CFAP61: variants seen among roughly 807,000 people sequenced by gnomAD.
The protein encoded by CFAP61 is cilia and flagella associated protein 61, also known as cilia- and flagella-associated protein 61.
A neutral mutation model predicts 135.6 loss-of-function variants in CFAP61; 107 were observed. The observed-to-expected ratio is 0.79, with a 90% confidence interval of 0.67 to 0.93. CFAP61 has a LOEUF of 0.93. Among genes scored for constraint, CFAP61 ranks in the 40% least tolerant of loss-of-function variants. The probability of loss-of-function intolerance (pLI) is 0.00; values close to 1 mark genes in which losing one functional copy is unlikely to be tolerated. For synonymous variants in CFAP61, 575 were observed against 578.5 expected, an observed-to-expected ratio of 0.99 and a Z score of 0.09; for missense variants, 1,507 against 1,556.2, an observed-to-expected ratio of 0.97 and a Z score of 0.53.
At chr20:20,329,190 C>T (rs1291633825) in intron 25 of CFAP61, among the ~76,000 whole-genome samples, 1 of 152,064 alleles carries the variant, frequency 6.6e-6, no homozygotes, top group Admixed American at 6.6e-5. Flanking sequence ...TGCCATCAAC[C>T]GTCTTGTCAT....
At position 20,115,219 on chromosome 20, in the gene CFAP61, A is replaced by G. The variant is rs139370925; in HGVS notation, c.859+16405A>G. Among the ~76,000 whole-genome samples the G allele has an allele frequency of 6.1e-3, 935 of 152,168 alleles. 7 individuals are homozygous for G. Among genetic ancestry groups the G allele is most frequent in the Non-Finnish European group, 9.5e-3 (645 of 67,996 alleles). ...CTTGCCAGACTTTGGAAATGAAGTC[A>G]TGCTGGTCTCATAAAACAAGTTGAA... is the stretch of plus-strand genomic sequence containing the variant. On this transcript the variant is annotated intron_variant, in intron 8 of 26. Transcript: ENST00000245957.
intron 17 of CFAP61, chr20:20,225,243 T>G (rs1189804957): frequency 1.3e-5 from 2 of 152,186 alleles, no homozygotes; most frequent in Non-Finnish European, 2.9e-5. Flanking sequence ...TTTCAAGGCA[T>G]TTAAAAACCG....
intron 17 of CFAP61, chr20:20,200,912 G>T: frequency 1.0e-6 from 1 of 985,084 alleles, no homozygotes; most frequent in South Asian, 4.7e-5. Flanking sequence ...GGATGGGGAG[G>T]GCACCTCCAT....
chr20:20,080,394 A>G (rs2046352330), intron 6 of CFAP61, among the ~76,000 whole-genome samples: 1 of 152,186 alleles, frequency 6.6e-6, no homozygotes, highest in Admixed American at 6.5e-5. Context: ...CTCTAATACA[A>G]TTCATTTAGC....
chr20:20,079,426 C>T (rs984582829), intron 6 of CFAP61, among the ~76,000 whole-genome samples: 4 of 107,230 alleles, frequency 3.7e-5, no homozygotes, highest in African/African-American at 1.1e-4. Context: ...AAGGAGTAGT[C>T]AGTGCTATTT....
intron 6 of CFAP61, chr20:20,085,629 A>G (rs771350789): frequency 7.2e-6 from 5 of 689,826 alleles, no homozygotes; most frequent in South Asian, 2.9e-5. Flanking sequence ...CCTGATGTTT[A>G]TAGCTACAGA....
chr20:20,256,477 T>C (rs2051588707), intron 20 of CFAP61, among the ~76,000 whole-genome samples: 2 of 151,854 alleles, frequency 1.3e-5, no homozygotes, highest in African/African-American at 4.8e-5. Context: ...TTTGATCACC[T>C]GGCCTCTGAA....
At chr20:20,087,758 A>G (rs2046907781) in intron 6 of CFAP61, among the ~76,000 whole-genome samples, 1 of 152,172 alleles carries the variant, frequency 6.6e-6, no homozygotes. Flanking sequence ...AGATGCACAC[A>G]CGGTAACATA....
At chr20:20,054,947 G>C (rs2044187948) in intron 1 of CFAP61, among the ~76,000 whole-genome samples, 1 of 151,922 alleles carries the variant, frequency 6.6e-6, no homozygotes, top group South Asian at 2.1e-4. Flanking sequence ...TATTCCTTTT[G>C]GAATTCCCAT....
At chr20:20,218,561 A>G (rs1171903449) in intron 17 of CFAP61, among the ~76,000 whole-genome samples, 8 of 152,206 alleles carry the variant, frequency 5.3e-5, no homozygotes, top group Admixed American at 5.2e-4. Flanking sequence ...CCATGAGCCA[A>G]ATGAATACGT....
rs775814567 is a variant in CFAP61 at position 20,288,785 on chromosome 20, G to C, written c.2973G>C (p.Glu991Asp). ...TKFSNRYYSN[E>D]WTHSNFSSKE... ...TCTCCAATAGATACTACTCAAATGA[G>C]TGGACTCACAGCAACTTCAGTTCCA... is the stretch of plus-strand genomic sequence containing the variant. The change falls in exon 23 of 27, where the codon GAG (glutamate) becomes GAC (aspartate). Residue 991 changes from glutamate (E) to aspartate (D), a missense_variant. Coordinates refer to ENST00000245957, the MANE Select transcript of CFAP61 (RefSeq NM_015585.4). 6.2e-7 allele frequency: 1 copy of C among 1,614,192 alleles called. No individual in the cohort carries two copies. The highest frequency in any genetic ancestry group is 1.7e-5 in the Admixed American group (1 of 60,030).
In CFAP61 at chr20:20,341,900, C is replaced by T. The variant is rs1316852385; in HGVS notation, c.3492C>T (p.Arg1164=). 9 of 1,612,986 alleles carry T rather than the reference C, an allele frequency of 5.6e-6. No homozygotes were observed. The highest frequency in any genetic ancestry group is 7.6e-6 in the Non-Finnish European group (9 of 1,179,572). The change falls in exon 26 of 27, where the codon CGC becomes CGT. Residue 1164 remains arginine (R), a synonymous_variant. Transcript: ENST00000245957. ...TTATTGATCTCAGGAAAGAGTTACG[C>T]CAAATCTTAGCCTCCAAGGAGGTAA... ...DRFIDLRKEL[R]QILASKEEED... is the part of the protein sequence containing the mutation.
chr20:20,115,193 C>G (rs2049054653), intron 8 of CFAP61, among the ~76,000 whole-genome samples: 1 of 152,142 alleles, frequency 6.6e-6, no homozygotes, highest in East Asian at 1.9e-4. Context: ...AAATGTCCTT[C>G]CTTGCCAGAC....
At chr20:20,084,843 G>A (rs987143161) in intron 6 of CFAP61, among the ~76,000 whole-genome samples, 5 of 152,164 alleles carry the variant, frequency 3.3e-5, no homozygotes, top group African/African-American at 9.7e-5. Context: ...AAAGGGGGTT[G>A]ATTTCCTTAA....
intron 25 of CFAP61, among the ~76,000 whole-genome samples, chr20:20,300,013 A>G (rs762587560): frequency 6.6e-6 from 1 of 152,214 alleles, no homozygotes; most frequent in Non-Finnish European, 1.5e-5. Flanking sequence ...TGGGTCACAC[A>G]TATAATCGGA....
intron 25 of CFAP61, among the ~76,000 whole-genome samples, chr20:20,338,989 A>G (rs1197560126): frequency 6.6e-6 from 1 of 152,228 alleles, no homozygotes; most frequent in Non-Finnish European, 1.5e-5. Flanking sequence ...CAGGCTGGCC[A>G]TTGGCAGCAT....
At chr20:20,348,982 G>A (rs1200019728) in intron 26 of CFAP61, among the ~76,000 whole-genome samples, 1 of 152,146 alleles carries the variant, frequency 6.6e-6, no homozygotes, top group Non-Finnish European at 1.5e-5. Flanking sequence ...CATGGTTTTG[G>A]AAGTTCTAGC....
At chr20:20,263,417 CTAGT>C (rs1168880169) in intron 21 of CFAP61, among the ~76,000 whole-genome samples, 1 of 152,032 alleles carries the variant, frequency 6.6e-6, no homozygotes, top group East Asian at 1.9e-4. Context: ...AAATCATTAA[CTAGT>C]TAAAGAATAA....
At chr20:20,081,603 T>G (rs1269031311) in intron 6 of CFAP61, among the ~76,000 whole-genome samples, 3 of 152,110 alleles carry the variant, frequency 2.0e-5, no homozygotes, top group Non-Finnish European at 4.4e-5. Context: ...CAGTAAGCAT[T>G]TGGTAACAGA....
Sources: allele counts gnomAD v4.1 joint callset (sites outside exome capture counted in the v4.1 genomes callset), GRCh38; gene constraint gnomAD v4.1.1; transcripts MANE v1.5; gene names NCBI Gene and HGNC (gene_info 2026-07-23, HGNC 2026-07-21).